Variants in HPSE2 observed in about 807,000 individuals in gnomAD.
HPSE2 encodes heparanase 2 (inactive), also known as inactive heparanase-2.
HPSE2 carries 38 observed loss-of-function variants against 60.5 expected under a neutral mutation model. That is an observed-to-expected ratio of 0.63 (90% confidence interval 0.48 to 0.82). The LOEUF is 0.82. HPSE2 is among the 40% of genes least tolerant of loss of function. The probability of loss-of-function intolerance (pLI) is 0.00; values close to 1 mark genes in which losing one functional copy is unlikely to be tolerated. For missense variants in HPSE2, 713 were observed against 740.4 expected, an observed-to-expected ratio of 0.96 and a Z score of 0.43; for synonymous variants, 295 against 293.2, an observed-to-expected ratio of 1.01 and a Z score of -0.06.
At chr10:99,219,978 G>A (rs779988752) in intron 2 of HPSE2, among the ~76,000 whole-genome samples, 5 of 152,102 alleles carry the variant, frequency 3.3e-5, no homozygotes, top group Admixed American at 6.5e-5. Context: ...CCTTAGCCAG[G>A]ATTTCTTACA....
intron 4 of HPSE2, among the ~76,000 whole-genome samples, chr10:98,741,576 TATTTA>T (rs1317305283): frequency 6.6e-6 from 1 of 152,134 alleles, no homozygotes; most frequent in Non-Finnish European, 1.5e-5. Flanking sequence ...GTTGTAGATT[TATTTA>T]ATTTAACAAG....
chr10:98,731,060 G>A lies in HPSE2; in HGVS notation c.785-9232C>T, dbSNP rs144565038. The stretch of plus-strand genomic sequence containing the variant: ...AACACTTTGGGAGGCTGAGGCAGGT[G>A]GATCATTTGAGGTCAGAAGTTCAAG... On this transcript the variant is annotated intron_variant, in intron 4 of 11. Coordinates refer to ENST00000370552, the MANE Select transcript of HPSE2 (RefSeq NM_021828.5). Among the ~76,000 whole-genome samples the A allele has an allele frequency of 6.3e-4, 96 of 152,272 alleles. 1 individual carries two copies. The highest frequency in any genetic ancestry group is 3.3e-3 in the Admixed American group (50 of 15,288).
chr10:98,946,791 T>C (rs982983543), intron 3 of HPSE2, among the ~76,000 whole-genome samples: 7 of 152,096 alleles, frequency 4.6e-5, no homozygotes, highest in Admixed American at 2.6e-4. Flanking sequence ...GTATCTATTG[T>C]ACTATGGTAA....
chr10:98,838,296 T>C (rs1002088734), intron 3 of HPSE2, among the ~76,000 whole-genome samples: 4 of 152,204 alleles, frequency 2.6e-5, no homozygotes, highest in East Asian at 1.9e-4. Flanking sequence ...ATGTAGATAA[T>C]AGTATGTATC....
chr10:98,990,926 C>T (rs1239803512), intron 3 of HPSE2, among the ~76,000 whole-genome samples: 1 of 152,164 alleles, frequency 6.6e-6, no homozygotes, highest in African/African-American at 2.4e-5. Flanking sequence ...TCTAACATAA[C>T]ATCCTAAATT....
At position 98,482,628 on chromosome 10, in the gene HPSE2, G is replaced by C. The variant is rs200532377; in HGVS notation, c.1613+8C>G. ...TTGCTCCCGAGCTATTTTCAGGTTGGCACGTACTTGGACTTTAGGCCCTCC... is the reference window on the plus strand; with the variant it reads ...TTGCTCCCGAGCTATTTTCAGGTTGCCACGTACTTGGACTTTAGGCCCTCC... On this transcript the variant is annotated splice_region_variant and intron_variant, in intron 11 of 11. Transcript: ENST00000370552. The C allele has an allele frequency of 1.2e-5, 19 of 1,613,936 alleles. No homozygotes were observed. The highest frequency in any genetic ancestry group is 1.6e-5 in the Non-Finnish European group (19 of 1,180,004).
At chr10:99,157,630 A>G (rs1400263668) in intron 2 of HPSE2, among the ~76,000 whole-genome samples, 1 of 146,746 alleles carries the variant, frequency 6.8e-6, no homozygotes, top group Admixed American at 7.0e-5. Flanking sequence ...TAAACATTAG[A>G]CCTAAAACCA....
chr10:99,132,552 G>A (rs1193930376), intron 3 of HPSE2, among the ~76,000 whole-genome samples: 2 of 152,020 alleles, frequency 1.3e-5, no homozygotes, highest in South Asian at 2.1e-4. Context: ...CTGGTTCATC[G>A]CATTGGGTCT....
At chr10:99,140,488 T>A (rs1342276427) in intron 3 of HPSE2, among the ~76,000 whole-genome samples, 1 of 152,256 alleles carries the variant, frequency 6.6e-6, no homozygotes, top group African/African-American at 2.4e-5. Flanking sequence ...GATCATTCAC[T>A]ATGCTTTACA....
intron 3 of HPSE2, among the ~76,000 whole-genome samples, chr10:98,761,286 A>G (rs935128929): frequency 1.3e-5 from 2 of 152,190 alleles, no homozygotes; most frequent in African/African-American, 4.8e-5. Flanking sequence ...GAAAAGATCA[A>G]GGAAGCTAAG....
chr10:99,186,838 A>G (rs1374537680), intron 2 of HPSE2, among the ~76,000 whole-genome samples: 4 of 152,080 alleles, frequency 2.6e-5, no homozygotes, highest in Admixed American at 6.5e-5. Flanking sequence ...GTGCAGTAAC[A>G]CAGTCACGGC....
chr10:98,708,205 C>T (rs368329042), intron 5 of HPSE2, among the ~76,000 whole-genome samples: 20 of 152,032 alleles, frequency 1.3e-4, no homozygotes, highest in African/African-American at 4.8e-4. Context: ...GCCTGTAATC[C>T]CAGTACTTTG....
intron 9 of HPSE2, among the ~76,000 whole-genome samples, chr10:98,509,439 T>C (rs962143330): frequency 6.6e-6 from 1 of 152,162 alleles, no homozygotes; most frequent in African/African-American, 2.4e-5. Context: ...AGAGATAGCA[T>C]TGATAAGATT....
chr10:99,200,198 A>G (rs57383113), intron 2 of HPSE2, among the ~76,000 whole-genome samples: 4,190 of 152,130 alleles, frequency 0.028, 192 homozygotes, highest in African/African-American at 0.095. Context: ...TTTTTACCAC[A>G]ATTAAAAAAA....
chr10:98,496,489 C>G (rs1554919752), intron 9 of HPSE2, among the ~76,000 whole-genome samples: 2 of 152,174 alleles, frequency 1.3e-5, no homozygotes, highest in African/African-American at 2.4e-5. Flanking sequence ...TTTGACCACT[C>G]TGACTTCCTG....
At chr10:98,618,832 C>T (rs867630354) in intron 8 of HPSE2, among the ~76,000 whole-genome samples, 11 of 152,258 alleles carry the variant, frequency 7.2e-5, no homozygotes, top group African/African-American at 2.6e-4. Flanking sequence ...CCACTTTGGC[C>T]TCCCAAAGTG....
chr10:99,303,955 T>C, the HPSE2 span, among the ~76,000 whole-genome samples: 1 of 152,188 alleles, frequency 6.6e-6, no homozygotes, highest in African/African-American at 2.4e-5. Context: ...TCTACTGACC[T>C]GGAGAATAAA....
chr10:98,649,685 A>G (rs942480242), intron 6 of HPSE2, among the ~76,000 whole-genome samples: 14 of 152,244 alleles, frequency 9.2e-5, no homozygotes, highest in African/African-American at 3.4e-4. Flanking sequence ...GTAGATAAGT[A>G]AAAGCATGGA....
In HPSE2 at chr10:98,796,009, T is replaced by A. The variant is rs191595208; in HGVS notation, c.611-51953A>T. 8.6e-4 allele frequency among the ~76,000 whole-genome samples: 131 copies of A among 152,280 alleles called. No homozygotes were observed. In the East Asian group the frequency reaches 0.023, roughly 27 times the overall value. On this transcript the variant is annotated intron_variant, in intron 3 of 11. Coordinates refer to ENST00000370552, the MANE Select transcript of HPSE2 (RefSeq NM_021828.5). Reference sequence around the variant, plus strand: ...GACTGAAGAGCCCTTGGGTCCTGAATAACCACCAATGATACCCAAGTAGTA... The same window carrying A: ...GACTGAAGAGCCCTTGGGTCCTGAAAAACCACCAATGATACCCAAGTAGTA...
Sources: allele counts gnomAD v4.1 joint callset (sites outside exome capture counted in the v4.1 genomes callset), GRCh38; gene constraint gnomAD v4.1.1; transcripts MANE v1.5; gene names NCBI Gene and HGNC (gene_info 2026-07-23, HGNC 2026-07-21).